Variants in VPS13A observed in about 807,000 individuals in gnomAD.
VPS13A encodes intermembrane lipid transfer protein VPS13A.
In VPS13A, 264 loss-of-function variants were observed where a neutral mutation model predicts 390.9. The ratio of observed to expected loss-of-function variants is 0.68; its 90% CI spans 0.61 to 0.75. The LOEUF is 0.75. Ranked by LOEUF, VPS13A falls within the 30% of genes least tolerant of loss-of-function variation. The probability of loss-of-function intolerance (pLI) is 0.00; values close to 1 mark genes in which losing one functional copy is unlikely to be tolerated. For synonymous variants in VPS13A, 1,231 were observed against 1,227.1 expected, an observed-to-expected ratio of 1.00 and a Z score of -0.07; for missense variants, 3,409 against 3,733.9, an observed-to-expected ratio of 0.91 and a Z score of 2.27.
At chr9:77,386,661 C>T (rs1477733820) in intron 68 of VPS13A, among the ~76,000 whole-genome samples, 1 of 150,166 alleles carries the variant, frequency 6.7e-6, no homozygotes, top group Admixed American at 6.6e-5. Flanking sequence ...TTTCATCATT[C>T]TTCAGTTTTT....
chr9:77,330,338 C>T (rs1440387561), intron 45 of VPS13A, among the ~76,000 whole-genome samples: 2 of 152,150 alleles, frequency 1.3e-5, no homozygotes, highest in African/African-American at 4.8e-5. Flanking sequence ...CAGACGGATG[C>T]TTCCTTTTCC....
In VPS13A at chr9:77,248,824, C is replaced by T. The variant is rs929282393; in HGVS notation, c.2038-1273C>T. ...TCAGCTCACTGCAACCTCTGCCTCC[C>T]GAGTTCAAGTGATTCTTCTGCCTCA... On this transcript the variant is annotated intron_variant, in intron 20 of 71. Transcript: ENST00000360280. 4.6e-5 allele frequency among the ~76,000 whole-genome samples: 7 copies of T among 152,024 alleles called. No homozygotes were observed. In the South Asian group the frequency reaches 6.2e-4, roughly 14 times the overall value.
At position 77,403,248 on chromosome 9, in the gene VPS13A, G is replaced by T; in HGVS notation, c.9202G>T (p.Gly3068Ter). Reference protein sequence around the residue: ...GNQMLQVMENGRFAKYKYFTH... With the variant: ...GNQMLQVMEN ...TTTTTTCTTTTAGGTCATGGAAAAT[G>T]GAAGATTTGCAAAATACAAATATTT... Residue 3068 changes from glycine to a stop codon, truncating the protein, a stop_gained, in exon 69 of 72, where the codon GGA becomes TGA. Coordinates refer to ENST00000360280, the MANE Select transcript of VPS13A (RefSeq NM_033305.3). LOFTEE classifies it high-confidence loss of function. The T allele has an allele frequency of 6.2e-7, 1 of 1,611,560 alleles. No homozygotes were observed. Among genetic ancestry groups the T allele is most frequent in the South Asian group, 1.1e-5 (1 of 91,024 alleles).
At chr9:77,268,939 C>CAA (rs34989883) in intron 23 of VPS13A, among the ~76,000 whole-genome samples, 1,497 of 104,548 alleles carry the variant, frequency 0.014, 26 homozygotes, top group African/African-American at 0.05. Context: ...TACTCCATCT[C>CAA]AAAAAAAAAA....
chr9:77,178,588 C>T (rs1437149014), intron 1 of VPS13A, among the ~76,000 whole-genome samples: 1 of 152,198 alleles, frequency 6.6e-6, no homozygotes, highest in Non-Finnish European at 1.5e-5. Context: ...CTCAGACCTG[C>T]AAAAGACCGG....
intron 45 of VPS13A, among the ~76,000 whole-genome samples, chr9:77,324,802 G>A (rs1451854599): frequency 1.3e-5 from 2 of 151,982 alleles, no homozygotes; most frequent in South Asian, 2.1e-4. Context: ...TCAACCTCCC[G>A]AGCAGCAAGG....
Position 77,410,150 on chromosome 9 carries a change from TAAAGA to T in VPS13A, c.9474+2550_9474+2554del, listed in dbSNP as rs1351326005. ...AGTGGGGGCCAATATTCAGCATTCT[TAAAGA>T]AAAGAATTTTCAACCCAGAATTTCA... On this transcript the variant is annotated intron_variant, in intron 71 of 71. Transcript: ENST00000360280. 3.9e-5 allele frequency among the ~76,000 whole-genome samples: 6 copies of T among 152,246 alleles called. No homozygotes were observed. In the East Asian group the frequency reaches 9.7e-4, roughly 24 times the overall value.
intron 3 of VPS13A, among the ~76,000 whole-genome samples, chr9:77,205,019 GGAA>G (rs773337317): frequency 4.6e-5 from 7 of 152,052 alleles, no homozygotes; most frequent in Admixed American, 6.5e-5. Flanking sequence ...GTTGATTAAG[GGAA>G]GAAGAACATT....
At chr9:77,192,079 A>G (rs1439463844) in intron 1 of VPS13A, among the ~76,000 whole-genome samples, 1 of 151,606 alleles carries the variant, frequency 6.6e-6, no homozygotes, top group Non-Finnish European at 1.5e-5. Context: ...GTTGAATTCA[A>G]CCTTTTATTG....
intron 68 of VPS13A, among the ~76,000 whole-genome samples, chr9:77,395,271 G>T (rs1277239176): frequency 6.6e-6 from 1 of 152,042 alleles, no homozygotes; most frequent in African/African-American, 2.4e-5. Context: ...TTTCAATATT[G>T]TTGTTTCTCA....
At chr9:77,376,552 GAA>G (rs1318936601) in intron 67 of VPS13A, among the ~76,000 whole-genome samples, 3 of 152,190 alleles carry the variant, frequency 2.0e-5, no homozygotes, top group Non-Finnish European at 4.4e-5. Context: ...GGATATGAAA[GAA>G]AGAGAATCGT....
chr9:77,312,659 C>A (rs974272614), intron 35 of VPS13A, among the ~76,000 whole-genome samples: 6 of 152,118 alleles, frequency 3.9e-5, no homozygotes, highest in Non-Finnish European at 7.4e-5. Flanking sequence ...TCGTGATCCG[C>A]CTGCCTTGGC....
At chr9:77,180,521 A>G (rs1288146017) in intron 1 of VPS13A, among the ~76,000 whole-genome samples, 2 of 152,176 alleles carry the variant, frequency 1.3e-5, no homozygotes, top group Non-Finnish European at 2.9e-5. Context: ...TCTTTTCCCA[A>G]CCCAAAGTCA....
intron 34 of VPS13A, among the ~76,000 whole-genome samples, chr9:77,304,653 G>A (rs1250052237): frequency 6.6e-6 from 1 of 152,146 alleles, no homozygotes; most frequent in Non-Finnish European, 1.5e-5. Context: ...AAATGAAAAT[G>A]GCAAATGTGT....
chr9:77,199,655 A>G (rs1825209506), intron 1 of VPS13A, among the ~76,000 whole-genome samples: 1 of 152,152 alleles, frequency 6.6e-6, no homozygotes, highest in South Asian at 2.1e-4. Context: ...GTATCATGCT[A>G]CTTTGTTAGA....
chr9:77,376,856 A>G (rs1298238220), intron 67 of VPS13A, among the ~76,000 whole-genome samples: 1 of 152,188 alleles, frequency 6.6e-6, no homozygotes, highest in Non-Finnish European at 1.5e-5. Flanking sequence ...ATAAGGTCCA[A>G]GGACTTGGCT....
chr9:77,216,437 A>G (rs1467667916), intron 10 of VPS13A, among the ~76,000 whole-genome samples: 1 of 152,146 alleles, frequency 6.6e-6, no homozygotes, highest in Non-Finnish European at 1.5e-5. Flanking sequence ...GATGCAGGAG[A>G]AACGGGGGAC....
intron 46 of VPS13A, 152 bp from the exon 47 acceptor site, chr9:77,337,103 A>G: frequency 1.2e-6 from 1 of 865,746 alleles, no homozygotes; most frequent in East Asian, 2.8e-5. Flanking sequence ...GGCCTTATCT[A>G]TCTTACTTAT....
At chr9:77,300,848 T>C (rs1828302863) in intron 33 of VPS13A, among the ~76,000 whole-genome samples, 1 of 152,252 alleles carries the variant, frequency 6.6e-6, no homozygotes, top group South Asian at 2.1e-4. Flanking sequence ...CCAACTTGAC[T>C]GCAATTTAGC....
Sources: gnomAD v4.1 joint callset for allele counts (sites outside exome capture counted in the v4.1 genomes callset) on GRCh38, gnomAD v4.1.1 for gene constraint, MANE v1.5 for transcripts, NCBI Gene and HGNC (gene_info 2026-07-23, HGNC 2026-07-21) for gene names.